ZNF804B: variants seen among roughly 807,000 people sequenced by gnomAD.
ZNF804B encodes zinc finger 804B.
In ZNF804B, 80 loss-of-function variants were observed where a neutral mutation model predicts 101.4. The ratio of observed to expected loss-of-function variants is 0.79; its 90% CI spans 0.66 to 0.95. The LOEUF (loss-of-function observed/expected upper bound fraction) is 0.95, where lower values mean the gene tolerates loss of function less well. Ranked by LOEUF, ZNF804B falls within the 40% of genes least tolerant of loss-of-function variation. ZNF804B has a pLI of 0.00. For synonymous variants in ZNF804B, 622 were observed against 558.8 expected, an observed-to-expected ratio of 1.11 and a Z score of -1.59; for missense variants, 1,673 against 1,561.9, an observed-to-expected ratio of 1.07 and a Z score of -1.20.
chr7:89,196,035 C>G (rs189068607), intron 1 of ZNF804B, among the ~76,000 whole-genome samples: 76 of 152,088 alleles, frequency 5.0e-4, no homozygotes, highest in African/African-American at 1.8e-3. Context: ...ACATTCTTCA[C>G]AGAATTAGAA....
At chr7:88,828,184 ATTAACT>A (rs1040426425) in intron 1 of ZNF804B, among the ~76,000 whole-genome samples, 86 of 152,230 alleles carry the variant, frequency 5.6e-4, no homozygotes, top group African/African-American at 2.0e-3. Flanking sequence ...TTTTTTAAAA[ATTAACT>A]TTATAGAGGT....
intron 1 of ZNF804B, among the ~76,000 whole-genome samples, chr7:89,163,764 A>G (rs771121578): frequency 9.9e-5 from 15 of 152,112 alleles, no homozygotes; most frequent in Non-Finnish European, 2.1e-4. Flanking sequence ...CTTCATAAAC[A>G]TTTTCTGCAT....
intron 1 of ZNF804B, among the ~76,000 whole-genome samples, chr7:88,970,354 C>CA (rs1491154892): frequency 7.9e-6 from 1 of 126,732 alleles, no homozygotes; most frequent in Non-Finnish European, 1.7e-5. Context: ...GCCCCCCCCC[C>CA]ACCCCCACAA....
intron 2 of ZNF804B, among the ~76,000 whole-genome samples, chr7:89,239,654 G>A (rs953906892): frequency 2.6e-5 from 4 of 152,024 alleles, no homozygotes; most frequent in African/African-American, 7.2e-5. Flanking sequence ...TGGTCACATC[G>A]ATAGACCCAT....
intron 1 of ZNF804B, among the ~76,000 whole-genome samples, chr7:88,864,929 C>A (rs1366989847): frequency 6.6e-6 from 1 of 152,098 alleles, no homozygotes; most frequent in Admixed American, 6.6e-5. Context: ...CTTCTCCACC[C>A]ATAAAAATAT....
chr7:89,255,953 T>C (rs1296737291), intron 2 of ZNF804B, among the ~76,000 whole-genome samples: 1 of 152,106 alleles, frequency 6.6e-6, no homozygotes, highest in Non-Finnish European at 1.5e-5. Flanking sequence ...TTAATACTAA[T>C]TAGCAAACTG....
chr7:89,259,024 C>T (rs1295762298), intron 2 of ZNF804B, among the ~76,000 whole-genome samples: 1 of 151,972 alleles, frequency 6.6e-6, no homozygotes, highest in Non-Finnish European at 1.5e-5. Context: ...TCTACAGTTA[C>T]CAATCCTTTC....
intron 1 of ZNF804B, among the ~76,000 whole-genome samples, chr7:88,857,822 C>CTTTTTTTTTTTT (rs55841922): frequency 0.013 from 1,061 of 81,516 alleles, 140 homozygotes; most frequent in Middle Eastern, 0.026. Context: ...CCTTTCTTTT[C>CTTTTTTTTTTTT]TTTTTTTTTT....
At chr7:88,957,512 A>G (rs1252836377) in intron 1 of ZNF804B, among the ~76,000 whole-genome samples, 1 of 151,358 alleles carries the variant, frequency 6.6e-6, no homozygotes, top group African/African-American at 2.4e-5. Flanking sequence ...TGCAGAGATT[A>G]TCAAACACAT....
chr7:88,883,702 G>A (rs1211271404), intron 1 of ZNF804B, among the ~76,000 whole-genome samples: 6 of 152,008 alleles, frequency 3.9e-5, no homozygotes, highest in Admixed American at 3.9e-4. Flanking sequence ...GATTTGATAG[G>A]TCTAGAAGAA....
intron 1 of ZNF804B, among the ~76,000 whole-genome samples, chr7:89,067,912 C>A (rs968159293): frequency 6.7e-6 from 1 of 150,104 alleles, no homozygotes; most frequent in African/African-American, 2.5e-5. Flanking sequence ...AGGTTCACAC[C>A]ATTCTCCTGC....
At chr7:89,193,908 A>T (rs1407233225) in intron 1 of ZNF804B, among the ~76,000 whole-genome samples, 1 of 152,144 alleles carries the variant, frequency 6.6e-6, no homozygotes, top group Non-Finnish European at 1.5e-5. Flanking sequence ...ACAATGGTTG[A>T]ACTAGTTTAC....
At chr7:89,033,054 C>A (rs191265407) in intron 1 of ZNF804B, among the ~76,000 whole-genome samples, 2 of 150,882 alleles carry the variant, frequency 1.3e-5, no homozygotes, top group African/African-American at 4.9e-5. Context: ...AAAAAAAAAC[C>A]GTATCCCTCC....
At chr7:89,280,333 A>G (rs1190050114) in intron 2 of ZNF804B, among the ~76,000 whole-genome samples, 1 of 151,936 alleles carries the variant, frequency 6.6e-6, no homozygotes, top group Non-Finnish European at 1.5e-5. Flanking sequence ...ACACTCTAAC[A>G]TCACAATTAA....
chr7:88,978,078 T>C (rs1021079044), intron 1 of ZNF804B, among the ~76,000 whole-genome samples: 4 of 151,856 alleles, frequency 2.6e-5, no homozygotes, highest in African/African-American at 7.2e-5. Flanking sequence ...TTTTATTCCA[T>C]TGTGGCCAGA....
chr7:89,324,603 C>A, intron 2 of ZNF804B, among the ~76,000 whole-genome samples: 1 of 126,440 alleles, frequency 7.9e-6, no homozygotes, highest in African/African-American at 3.0e-5. Context: ...ACCTTACCTT[C>A]TTACTTTTTT....
At chr7:89,133,038 CT>C (rs532154312) in intron 1 of ZNF804B, among the ~76,000 whole-genome samples, 62 of 152,090 alleles carry the variant, frequency 4.1e-4, no homozygotes, top group Middle Eastern at 6.8e-3. Context: ...ATGCCTTAAC[CT>C]AAATCTAAGA....
At chr7:88,985,636 A>G (rs17166007) in intron 1 of ZNF804B, among the ~76,000 whole-genome samples, 21,265 of 152,110 alleles carry the variant, frequency 0.14, 1,942 homozygotes, top group East Asian at 0.29. Flanking sequence ...TTATAGAAAG[A>G]GGAAAAAGCC....
chr7:88,830,364 G>A (rs1260305469), intron 1 of ZNF804B, among the ~76,000 whole-genome samples: 2 of 151,948 alleles, frequency 1.3e-5, no homozygotes, highest in African/African-American at 4.8e-5. Flanking sequence ...ATATCCACCT[G>A]CTACACATAT....
Sources: allele counts gnomAD v4.1 joint callset (sites outside exome capture counted in the v4.1 genomes callset), GRCh38; gene constraint gnomAD v4.1.1; transcripts MANE v1.5; gene names NCBI Gene and HGNC (gene_info 2026-07-23, HGNC 2026-07-21).